Variants in SLC9C2 observed in about 807,000 individuals in gnomAD.
SLC9C2 encodes sodium/hydrogen exchanger 11.
In SLC9C2, 75 loss-of-function variants were observed where a neutral mutation model predicts 140.2. That is an observed-to-expected ratio of 0.53 (90% CI 0.44 to 0.65). The LOEUF is 0.65. Ranked by LOEUF, SLC9C2 falls within the 30% of genes least tolerant of loss-of-function variation. The pLI is 0.00. For synonymous variants in SLC9C2, 375 were observed against 420.9 expected (o/e 0.89, Z 1.34); for missense variants, 1,074 against 1,331.8 (o/e 0.81, Z 3.01).
intron 22 of SLC9C2, among the ~76,000 whole-genome samples, chr1:173,518,386 A>G (rs1186337465): frequency 6.6e-6 from 1 of 152,246 alleles, no homozygotes; most frequent in Admixed American, 6.5e-5. Flanking sequence ...ATAACTTTTG[A>G]TTGCATGGGC....
At chr1:173,572,009 T>A (rs1203034746) in intron 9 of SLC9C2, among the ~76,000 whole-genome samples, 2 of 152,176 alleles carry the variant, frequency 1.3e-5, no homozygotes, top group Non-Finnish European at 2.9e-5. Context: ...TTGCATTACC[T>A]CATTGAATCC....
chr1:173,517,450 T>G lies in SLC9C2; in HGVS notation c.2907+87A>C, dbSNP rs140730817. The G allele has an allele frequency of 9.5e-3, 12,557 of 1,325,692 alleles. 75 individuals carry two copies. The highest frequency in any genetic ancestry group is 0.011 in the Non-Finnish European group (11,025 of 982,654). The allele number at this position is 1,325,692 out of a possible 1,614,324, so 82.1% of individuals were successfully genotyped here. ...CCAATAGCTGGTTGGGTGACTAAGA[T>G]GTCAAAACCCCAAAAAAGAAAAGAT... On this transcript the variant is annotated intron_variant, in intron 23 of 27. Coordinates refer to ENST00000367714, the MANE Select transcript of SLC9C2 (RefSeq NM_178527.4).
rs753101878 is a variant in SLC9C2, at chr1:173,501,108, A to G, written c.3372-11T>C. The G allele has an allele frequency of 1.3e-6, 2 of 1,533,570 alleles. No homozygotes were observed. The highest frequency in any genetic ancestry group is 2.4e-5 in the East Asian group (1 of 41,534). The allele number at this position is 1,533,570 out of a possible 1,614,324, so 95.0% of individuals were successfully genotyped here. On this transcript the variant is annotated splice_polypyrimidine_tract_variant and intron_variant, in intron 27 of 27. Transcript: ENST00000367714. The stretch of plus-strand genomic sequence containing the variant: ...GTATCCAGTTTTCAACTATAAAAGA[A>G]AGTCAAAAGTTAAATATTAGCCTAT...
chr1:173,521,928 G>T (rs1404547928), intron 21 of SLC9C2, among the ~76,000 whole-genome samples: 1 of 151,206 alleles, frequency 6.6e-6, no homozygotes, highest in East Asian at 1.9e-4. Context: ...GGCCGGGCGC[G>T]GTGGCTTACG....
chr1:173,501,703 C>T (rs765371969), intron 27 of SLC9C2, among the ~76,000 whole-genome samples: 23 of 151,754 alleles, frequency 1.5e-4, no homozygotes, highest in Non-Finnish European at 3.1e-4. Flanking sequence ...GCCACCACGC[C>T]AGACCAATTA....
In SLC9C2 at chr1:173,580,232, G is replaced by A. The variant is rs908652463; in HGVS notation, c.802+1615C>T. 2.0e-5 allele frequency among the ~76,000 whole-genome samples: 3 copies of A among 152,180 alleles called. No homozygotes were observed. In the East Asian group the frequency reaches 5.8e-4, roughly 29 times the overall value. The stretch of plus-strand genomic sequence containing the variant: ...AATGTCACTTGAACAGAGTTTGAAA[G>A]ACAGGAGGATAATCAGCTCTGGCAA... On this transcript the variant is annotated intron_variant, in intron 7 of 27. Coordinates refer to ENST00000367714, the MANE Select transcript of SLC9C2 (RefSeq NM_178527.4).
At chr1:173,507,860 G>C (rs1264536367) in intron 24 of SLC9C2, among the ~76,000 whole-genome samples, 1 of 152,096 alleles carries the variant, frequency 6.6e-6, no homozygotes, top group Non-Finnish European at 1.5e-5. Flanking sequence ...ACTGTGAAAC[G>C]ATGCATTTCT....
chr1:173,586,383 T>C (rs1041557797), intron 5 of SLC9C2, among the ~76,000 whole-genome samples: 1 of 152,226 alleles, frequency 6.6e-6, no homozygotes, highest in African/African-American at 2.4e-5. Flanking sequence ...TAAGGTAGTA[T>C]ATTTCCACTA....
At chr1:173,576,050 C>T (rs981611378) in intron 8 of SLC9C2, among the ~76,000 whole-genome samples, 7 of 152,086 alleles carry the variant, frequency 4.6e-5, no homozygotes, top group African/African-American at 1.4e-4. Flanking sequence ...CTCAGGATTA[C>T]GGCTTATTTT....
Position 173,524,101 on chromosome 1 carries a change from AC to A in SLC9C2, c.2515-8del, listed in dbSNP as rs1431676307. The stretch of plus-strand genomic sequence containing the variant: ...TTAATTTTTTAAGAAGTACCTAAAA[AC>A]AAATAATCAAAATAATGGGGATCAG... On this transcript the variant is annotated splice_polypyrimidine_tract_variant and splice_region_variant and intron_variant, in intron 20 of 27. Coordinates refer to ENST00000367714, the MANE Select transcript of SLC9C2 (RefSeq NM_178527.4). The A allele has an allele frequency of 2.5e-6, 4 of 1,602,390 alleles. No individual in the cohort carries two copies. The African/African-American group carries it at 5.4e-5, about 22-fold the overall frequency.
intron 3 of SLC9C2, 100 bp downstream of exon 3, chr1:173,600,017 C>A: frequency 2.8e-6 from 2 of 708,580 alleles, no homozygotes; most frequent in Non-Finnish European, 4.4e-6. Context: ...GTAGCTGTTC[C>A]CATAAGAAAA....
At chr1:173,537,572 A>ATG (rs1662064385) in intron 13 of SLC9C2, among the ~76,000 whole-genome samples, 1 of 149,918 alleles carries the variant, frequency 6.7e-6, no homozygotes, top group African/African-American at 2.5e-5. Flanking sequence ...AAAAATTTAT[A>ATG]TGTGTGTGTG....
intron 24 of SLC9C2, among the ~76,000 whole-genome samples, chr1:173,507,652 G>A (rs1387818829): frequency 6.6e-6 from 1 of 152,124 alleles, no homozygotes; most frequent in Non-Finnish European, 1.5e-5. Context: ...AATAGGTTGG[G>A]CCTCTAATTT....
At chr1:173,550,779 C>G (rs1034848136) in intron 11 of SLC9C2, among the ~76,000 whole-genome samples, 1 of 150,266 alleles carries the variant, frequency 6.7e-6, no homozygotes, top group African/African-American at 2.5e-5. Context: ...ACAAACACAG[C>G]CTGGTGGGGT....
chr1:173,581,794 A>T, intron 7 of SLC9C2, 53 bp downstream of exon 7: 1 of 1,381,792 alleles, frequency 7.2e-7, no homozygotes, highest in Non-Finnish European at 9.6e-7. Context: ...AAAAATAAAC[A>T]TGTATAAAAC....
rs1287119977 is a variant in SLC9C2, at chr1:173,510,238, C to A, written c.2908-539G>T. On this transcript the variant is annotated intron_variant, in intron 23 of 27. Transcript: ENST00000367714. The stretch of plus-strand genomic sequence containing the variant: ...ACAACATTTCCTTCCACTCCACACA[C>A]CCCTAAGACTCTGGATCCTGCTCTT... Among the ~76,000 whole-genome samples, 7 of 152,304 alleles carry A rather than the reference C, an allele frequency of 4.6e-5. No homozygotes were observed. In the South Asian group the frequency reaches 1.0e-3, roughly 23 times the overall value.
intron 18 of SLC9C2, among the ~76,000 whole-genome samples, chr1:173,528,133 G>A (rs1159419041): frequency 6.6e-6 from 1 of 152,166 alleles, no homozygotes; most frequent in Non-Finnish European, 1.5e-5. Flanking sequence ...CCTACAAAGA[G>A]AGCATAATCA....
chr1:173,543,951 G>A (rs893277842), intron 13 of SLC9C2, among the ~76,000 whole-genome samples: 9 of 152,140 alleles, frequency 5.9e-5, no homozygotes, highest in African/African-American at 2.2e-4. Context: ...CATGGGCAAG[G>A]ACTTCATGAC....
At chr1:173,505,548 T>C (rs983848752) in intron 25 of SLC9C2, among the ~76,000 whole-genome samples, 1 of 152,200 alleles carries the variant, frequency 6.6e-6, no homozygotes, top group South Asian at 2.1e-4. Flanking sequence ...AGGAAATTTC[T>C]ACACCTTACT....
Sources: allele counts gnomAD v4.1 joint callset (sites outside exome capture counted in the v4.1 genomes callset), GRCh38; gene constraint gnomAD v4.1.1; transcripts MANE v1.5; gene names NCBI Gene and HGNC (gene_info 2026-07-23, HGNC 2026-07-21).